SPMIP2: variants seen among roughly 807,000 people sequenced by gnomAD.
SPMIP2 encodes protein SPMIP2.
chr4:159,060,261 G>A, the SPMIP2 span, among the ~76,000 whole-genome samples: 4 of 152,168 alleles, frequency 2.6e-5, no homozygotes, highest in South Asian at 2.1e-4. Flanking sequence ...AGAGGGACAC[G>A]GATTCAGAGG....
At chr4:159,019,420 G>A in the SPMIP2 span, among the ~76,000 whole-genome samples, 1 of 152,034 alleles carries the variant, frequency 6.6e-6, no homozygotes, top group Non-Finnish European at 1.5e-5. Context: ...CTGTGGAATG[G>A]CCTGCATCTT....
At chr4:158,904,676 TTG>T in the SPMIP2 span, 1 of 785,198 alleles carries the variant, frequency 1.3e-6, no homozygotes, top group African/African-American at 1.7e-5. Flanking sequence ...CCTTTTTGTT[TTG>T]TGTTTTTGCT....
chr4:158,965,060 A>G, the SPMIP2 span, among the ~76,000 whole-genome samples: 1 of 152,230 alleles, frequency 6.6e-6, no homozygotes, highest in Non-Finnish European at 1.5e-5. Flanking sequence ...GAGAAGCAAT[A>G]TGAATGCTAA....
the SPMIP2 span, among the ~76,000 whole-genome samples, chr4:159,080,016 TATCAAATA>T: frequency 4.0e-3 from 606 of 152,254 alleles, no homozygotes; most frequent in African/African-American, 0.013. Flanking sequence ...CTCCCATTAT[TATCAAATA>T]ATCAAATAAT....
the SPMIP2 span, among the ~76,000 whole-genome samples, chr4:159,015,708 CT>C: frequency 2.6e-5 from 4 of 152,046 alleles, no homozygotes; most frequent in African/African-American, 9.7e-5. Flanking sequence ...ACTTCTCGGC[CT>C]TTTGGCTAAG....
chr4:159,081,968 T>G, the SPMIP2 span, among the ~76,000 whole-genome samples: 1 of 152,118 alleles, frequency 6.6e-6, no homozygotes, highest in Non-Finnish European at 1.5e-5. Context: ...CAGACTCTGC[T>G]GAAACTCAAC....
At chr4:159,015,288 C>T in the SPMIP2 span, among the ~76,000 whole-genome samples, 3 of 152,110 alleles carry the variant, frequency 2.0e-5, no homozygotes, top group Non-Finnish European at 4.4e-5. Context: ...GAAAACAATT[C>T]CTTTACTGAA....
the SPMIP2 span, chr4:158,906,646 G>A: frequency 6.6e-6 from 1 of 152,112 alleles, no homozygotes; most frequent in South Asian, 2.1e-4. Flanking sequence ...CACATGTGGG[G>A]GCTGTCTCCG....
At chr4:158,938,652 T>C in the SPMIP2 span, among the ~76,000 whole-genome samples, 1 of 152,244 alleles carries the variant, frequency 6.6e-6, no homozygotes, top group African/African-American at 2.4e-5. Context: ...GTTGCCCTTA[T>C]GGGCTCCAGC....
chr4:158,900,718 T>C, the SPMIP2 span, among the ~76,000 whole-genome samples: 1 of 152,186 alleles, frequency 6.6e-6, no homozygotes, highest in Admixed American at 6.5e-5. Flanking sequence ...ATTTTGAGTC[T>C]GTGTATGTGT....
chr4:158,952,206 C>T, the SPMIP2 span, among the ~76,000 whole-genome samples: 103 of 152,230 alleles, frequency 6.8e-4, no homozygotes, highest in African/African-American at 2.4e-3. Flanking sequence ...AAGAACATGA[C>T]TTGAAAAAAA....
the SPMIP2 span, among the ~76,000 whole-genome samples, chr4:159,062,216 T>C: frequency 6.6e-6 from 1 of 152,222 alleles, no homozygotes; most frequent in Non-Finnish European, 1.5e-5. Flanking sequence ...ATTATTTTTG[T>C]AGTAGTTACC....
At chr4:158,970,756 A>C in the SPMIP2 span, among the ~76,000 whole-genome samples, 2 of 152,110 alleles carry the variant, frequency 1.3e-5, no homozygotes, top group Non-Finnish European at 2.9e-5. Flanking sequence ...AAGGAGCTTT[A>C]AGGTATTGTT....
chr4:158,970,778 T>C, the SPMIP2 span, among the ~76,000 whole-genome samples: 1 of 152,182 alleles, frequency 6.6e-6, no homozygotes, highest in Admixed American at 6.5e-5. Flanking sequence ...AAGATTGTTA[T>C]CTGAGACAGC....
the SPMIP2 span, among the ~76,000 whole-genome samples, chr4:159,051,093 G>A: frequency 6.6e-5 from 10 of 150,626 alleles, no homozygotes; most frequent in Admixed American, 5.3e-4. Context: ...GGGGACAGAG[G>A]GAAAGACTCC....
the SPMIP2 span, among the ~76,000 whole-genome samples, chr4:158,974,147 A>C: frequency 6.6e-6 from 1 of 152,126 alleles, no homozygotes; most frequent in African/African-American, 2.4e-5. Context: ...AAATTGAAAA[A>C]TGGAGAAAAT....
the SPMIP2 span, among the ~76,000 whole-genome samples, chr4:159,024,003 A>C: frequency 6.6e-6 from 1 of 152,172 alleles, no homozygotes; most frequent in Non-Finnish European, 1.5e-5. Context: ...GCTCAGACTC[A>C]GCTTGGAAAC....
chr4:159,053,865 G>A, the SPMIP2 span, among the ~76,000 whole-genome samples: 1 of 151,552 alleles, frequency 6.6e-6, no homozygotes, highest in African/African-American at 2.4e-5. Context: ...GAGGTGGGAG[G>A]ATTGCTTGAA....
the SPMIP2 span, among the ~76,000 whole-genome samples, chr4:159,006,359 G>C: frequency 3.9e-5 from 6 of 152,114 alleles, no homozygotes; most frequent in Non-Finnish European, 5.9e-5. Context: ...CCATGTTTAC[G>C]CGAGATGAAA....
Sources: gnomAD v4.1 joint callset for allele counts (sites outside exome capture counted in the v4.1 genomes callset) on GRCh38, gnomAD v4.1.1 for gene constraint, MANE v1.5 for transcripts, NCBI Gene and HGNC (gene_info 2026-07-23, HGNC 2026-07-21) for gene names.